The following ARSG variants were observed in gnomAD, a reference collection of about 807,000 sequenced individuals.
ARSG encodes the protein arylsulfatase G.
Under a neutral mutation model 50.5 loss-of-function variants are expected in ARSG, and 37 were observed. The observed-to-expected ratio is 0.73, with a 90% confidence interval of 0.56 to 0.96. The LOEUF is 0.96. Among genes scored for constraint, ARSG ranks in the 50% least tolerant of loss-of-function variants. The pLI, the probability that ARSG is intolerant of heterozygous loss-of-function variation, is 0.00. For missense variants in ARSG, 629 were observed against 675.3 expected, an observed-to-expected ratio of 0.93 and a Z score of 0.76; for synonymous variants, 225 against 254.6, an observed-to-expected ratio of 0.88 and a Z score of 1.11.
At chr17:68,421,817 TTATC>T, downstream of ARSG, 1 of 1,614,218 alleles carries the variant, frequency 6.2e-7, no homozygotes, top group Non-Finnish European at 8.5e-7. Flanking sequence ...CGGCACAAGA[TTATC>T]TACCAAAATC....
downstream of ARSG, chr17:68,421,849 C>G (rs763898157): frequency 1.2e-5 from 19 of 1,613,950 alleles, no homozygotes; most frequent in East Asian, 4.2e-4. Context: ...AATGGCCTTA[C>G]TCTTCTCAGG....
In ARSG at chr17:68,331,233, G is replaced by GTTTCTTTC. The variant is rs869049629; in HGVS notation, c.219-12347_219-12340dup. Among the ~76,000 whole-genome samples the GTTTCTTTC allele has an allele frequency of 6.0e-4, 51 of 85,044 alleles. 1 individual carries two copies. The highest frequency in any genetic ancestry group is 2.6e-3 in the African/African-American group (49 of 18,790). The allele number at this position is 85,044 out of a possible 152,430, so 55.8% of individuals were successfully genotyped here. A position where few individuals can be genotyped will look rare whatever the true frequency, so the allele number is the denominator to read the frequency against. On this transcript the variant is annotated intron_variant, in intron 2 of 11. Transcript: ENST00000621439. The stretch of plus-strand genomic sequence containing the variant: ...TCTTTCTTTCTTTCTTTCTTTCTTT[G>GTTTCTTTC]TTTCTTTCTTTCTTTCTTTCTTTCT...
chr17:68,370,041 G>A (rs1424390272), intron 7 of ARSG, among the ~76,000 whole-genome samples: 1 of 152,120 alleles, frequency 6.6e-6, no homozygotes, highest in Non-Finnish European at 1.5e-5. Flanking sequence ...TTTAGATGGA[G>A]TCTTGCTCCG....
the ARSG span, among the ~76,000 whole-genome samples, chr17:68,439,754 C>T: frequency 1.3e-5 from 2 of 152,250 alleles, no homozygotes; most frequent in East Asian, 1.9e-4. Context: ...AAACTCTGGC[C>T]GAGTTATTTG....
intron 11 of ARSG, among the ~76,000 whole-genome samples, chr17:68,418,323 C>T (rs928630297): frequency 6.6e-6 from 1 of 152,174 alleles, no homozygotes; most frequent in African/African-American, 2.4e-5. Context: ...TGATCTTAGG[C>T]AGATCCCTCA....
rs1202728770 is a variant in ARSG at position 68,385,558 on chromosome 17, G to A, written c.1091+386G>A. Among the ~76,000 whole-genome samples, 4 of 132,546 alleles carry A rather than the reference G, an allele frequency of 3.0e-5. No homozygotes were observed. The East Asian group carries it at 9.8e-4, about 32-fold the overall frequency. The allele number at this position is 132,546 out of a possible 152,430, so 87.0% of individuals were successfully genotyped here. ...GAGGGAAGGGAAGGAGAGGGGAGGC[G>A]AGGGGAGGGGAGGGGAGAGGAGGGG... On this transcript the variant is annotated intron_variant, in intron 9 of 11. Transcript: ENST00000621439.
At chr17:68,376,989 A>G (rs1432910620) in intron 8 of ARSG, among the ~76,000 whole-genome samples, 1 of 151,916 alleles carries the variant, frequency 6.6e-6, no homozygotes, top group Non-Finnish European at 1.5e-5. Context: ...CCTCCTGAGT[A>G]GCTGGGATTA....
intron 1 of ARSG, among the ~76,000 whole-genome samples, chr17:68,264,274 A>G (rs1555745865): frequency 6.6e-6 from 1 of 152,240 alleles, no homozygotes; most frequent in East Asian, 1.9e-4. Flanking sequence ...CTGACATAGA[A>G]TCCATTTTCT....
At chr17:68,354,039 T>TTTTTA (rs1555779991) in intron 5 of ARSG, among the ~76,000 whole-genome samples, 3 of 144,526 alleles carry the variant, frequency 2.1e-5, no homozygotes, top group Non-Finnish European at 3.0e-5. Context: ...TTTTTTTTTT[T>TTTTTA]ATTTCAATCC....
intron 6 of ARSG, among the ~76,000 whole-genome samples, chr17:68,357,251 C>T (rs1209872147): frequency 1.3e-5 from 2 of 152,202 alleles, no homozygotes; most frequent in Non-Finnish European, 2.9e-5. Flanking sequence ...TACCCTGCTA[C>T]AGATCTGGAG....
At chr17:68,287,845 TAAAAA>T (rs1425095593), upstream of ARSG, among the ~76,000 whole-genome samples, 1 of 152,104 alleles carries the variant, frequency 6.6e-6, no homozygotes, top group Non-Finnish European at 1.5e-5. Context: ...GGTCTTTCCT[TAAAAA>T]ACCGAGTCAT....
intron 2 of ARSG, among the ~76,000 whole-genome samples, chr17:68,323,763 C>T (rs1444109641): frequency 6.6e-6 from 1 of 152,136 alleles, no homozygotes; most frequent in Non-Finnish European, 1.5e-5. Flanking sequence ...TTGAGTATCC[C>T]AGACCCACTG....
intron 1 of ARSG, among the ~76,000 whole-genome samples, chr17:68,280,451 A>G (rs1255482539): frequency 1.3e-5 from 2 of 152,208 alleles, no homozygotes; most frequent in Non-Finnish European, 2.9e-5. Flanking sequence ...CACACTGACC[A>G]ATGGAACAGA....
At chr17:68,323,963 T>C (rs1467771835) in intron 2 of ARSG, among the ~76,000 whole-genome samples, 9 of 150,892 alleles carry the variant, frequency 6.0e-5, no homozygotes, top group Admixed American at 2.6e-4. Flanking sequence ...ATCCCAGCTA[T>C]TTGGGAGGCT....
At chr17:68,269,128 G>A in intron 1 of ARSG, 2 of 1,513,444 alleles carry the variant, frequency 1.3e-6, no homozygotes, top group Non-Finnish European at 1.8e-6. Context: ...TGAACTCTGT[G>A]CTCATTTTTT....
At chr17:68,449,017 T>C in the ARSG span, among the ~76,000 whole-genome samples, 3,748 of 152,258 alleles carry the variant, frequency 0.025, 58 homozygotes, top group Middle Eastern at 0.034. Flanking sequence ...TTTGAAAGAG[T>C]TGATCAATTC....
chr17:68,421,740 G>A (rs1370585634), downstream of ARSG: 3 of 1,614,066 alleles, frequency 1.9e-6, no homozygotes, highest in Admixed American at 5.0e-5. Context: ...ACCTGATAGG[G>A]GGGATGTCCT....
At chr17:68,446,665 T>C in the ARSG span, among the ~76,000 whole-genome samples, 10 of 152,256 alleles carry the variant, frequency 6.6e-5, no homozygotes, top group Admixed American at 5.2e-4. Context: ...CGTGGTTCTA[T>C]GCTTCCTTCT....
chr17:68,353,230 A>T (rs936240450), intron 5 of ARSG, among the ~76,000 whole-genome samples: 2 of 152,068 alleles, frequency 1.3e-5, no homozygotes, highest in African/African-American at 4.8e-5. Context: ...GATTTTACAG[A>T]TAAGGAAGCT....
Sources: gnomAD v4.1 joint callset for allele counts (sites outside exome capture counted in the v4.1 genomes callset) on GRCh38, gnomAD v4.1.1 for gene constraint, MANE v1.5 for transcripts, NCBI Gene and HGNC (gene_info 2026-07-23, HGNC 2026-07-21) for gene names.